FGD5: variants seen among roughly 807,000 people sequenced by gnomAD.
FGD5 encodes the protein FYVE, RhoGEF and PH domain-containing protein 5.
In FGD5, 28 loss-of-function variants were observed where a neutral mutation model predicts 133.4. The ratio of observed to expected loss-of-function variants is 0.21; its 90% confidence interval spans 0.16 to 0.29. The LOEUF is 0.29. FGD5 is among the 10% of genes least tolerant of loss of function. The pLI is 1.00. For synonymous variants in FGD5, 810 were observed against 776.5 expected (o/e 1.04, Z -0.72); for missense variants, 1,858 against 1,895.2 (o/e 0.98, Z 0.36).
At chr3:14,902,861 G>A (rs977634316) in intron 9 of FGD5, among the ~76,000 whole-genome samples, 3 of 152,148 alleles carry the variant, frequency 2.0e-5, no homozygotes, top group Admixed American at 6.5e-5. Context: ...TCCCTCCTAC[G>A]GGGAGCTTGC....
chr3:14,844,099 A>G (rs1426163001), intron 1 of FGD5, among the ~76,000 whole-genome samples: 1 of 149,452 alleles, frequency 6.7e-6, no homozygotes. Context: ...GAGGCTGACA[A>G]AAGCGAAGTG....
At chr3:14,821,756 TA>T in intron 1 of FGD5, 160 bp downstream of exon 1, 1 of 1,050,016 alleles carries the variant, frequency 9.5e-7, no homozygotes, top group Non-Finnish European at 1.3e-6. Flanking sequence ...GAGCCTCGGT[TA>T]CTTCATCCGT....
chr3:14,887,368 A>G (rs917292276), intron 4 of FGD5, among the ~76,000 whole-genome samples: 2 of 151,932 alleles, frequency 1.3e-5, no homozygotes, highest in African/African-American at 2.4e-5. Context: ...CAGCAGTCCT[A>G]TCCTTTCTTC....
chr3:14,845,288 C>T (rs1011935528), intron 1 of FGD5, among the ~76,000 whole-genome samples: 5 of 152,270 alleles, frequency 3.3e-5, no homozygotes, highest in Non-Finnish European at 7.3e-5. Context: ...ACTTGCTGGC[C>T]ACATCGACCC....
At chr3:14,867,060 A>G (rs547791137) in intron 2 of FGD5, among the ~76,000 whole-genome samples, 100 of 152,352 alleles carry the variant, frequency 6.6e-4, no homozygotes, top group Admixed American at 1.3e-3. Flanking sequence ...GGCTTGCATT[A>G]TATACCAGAA....
intron 1 of FGD5, among the ~76,000 whole-genome samples, chr3:14,849,115 C>G (rs141066211): frequency 1.3e-5 from 2 of 152,310 alleles, no homozygotes; most frequent in East Asian, 3.9e-4. Flanking sequence ...AAGTGTGAGG[C>G]CCTTCCGTTC....
chr3:14,823,998 C>T (rs1053772384), intron 1 of FGD5, among the ~76,000 whole-genome samples: 4 of 152,212 alleles, frequency 2.6e-5, no homozygotes, highest in African/African-American at 4.8e-5. Context: ...CATTAGCTCA[C>T]GTTTGATGCT....
intron 1 of FGD5, among the ~76,000 whole-genome samples, chr3:14,813,738 C>CAAG (rs1553621535): frequency 1.3e-5 from 2 of 151,800 alleles, no homozygotes; most frequent in African/African-American, 4.8e-5. Flanking sequence ...CCAGTTAAGG[C>CAAG]AGAGCCAGGT....
At chr3:14,909,551 T>A (rs960716223) in intron 10 of FGD5, among the ~76,000 whole-genome samples, 4 of 152,220 alleles carry the variant, frequency 2.6e-5, no homozygotes, top group Admixed American at 6.5e-5. Context: ...CGAAGTCTTT[T>A]GATGAGCTCA....
chr3:14,818,729 G>A (rs2036419761), upstream of FGD5, among the ~76,000 whole-genome samples: 1 of 152,198 alleles, frequency 6.6e-6, no homozygotes, highest in Admixed American at 6.5e-5. Context: ...GCTGCGTGTA[G>A]AAGAAAGGTC....
intron 2 of FGD5, 36 bp from the exon 3 acceptor site, chr3:14,880,536 G>T (rs764757595): frequency 1.2e-6 from 2 of 1,608,454 alleles, no homozygotes; most frequent in South Asian, 1.1e-5. Context: ...AACCACTGAT[G>T]CCTGTCCCAC....
chr3:14,887,522 G>A (rs2037947286), intron 4 of FGD5, among the ~76,000 whole-genome samples: 1 of 151,658 alleles, frequency 6.6e-6, no homozygotes, highest in East Asian at 1.9e-4. Flanking sequence ...TCCAGCCTGA[G>A]CAACATAGCA....
Position 14,819,634 on chromosome 3 carries a change from G to C in FGD5, c.563G>C (p.Gly188Ala). 6.4e-7 allele frequency: 1 copy of C among 1,550,864 alleles called. No individual in the cohort carries two copies. Among genetic ancestry groups the C allele is most frequent in the Non-Finnish European group, 8.7e-7 (1 of 1,146,708 alleles). The change falls in exon 1 of 20, where the codon GGG (glycine) becomes GCG (alanine). Residue 188 changes from glycine to alanine, a missense_variant. This residue lies in a region of FGD5 where 1,824 missense variants were observed against 1,848.9 expected (regional missense o/e 0.99). Transcript: ENST00000285046. The surrounding 1 kb of genome is among the most constrained non-coding windows in gnomAD (Gnocchi z 4.1). ...GACAGTGGGCCTTGGGCTGGAGAGG[G>C]GGTCTTCCAGAGCGACCTCCTCCTG... ...LEDSGPWAGE[G>A]VFQSDLLLPH... is the part of the protein sequence containing the mutation.
At chr3:14,904,562 C>T (rs549975754) in intron 9 of FGD5, among the ~76,000 whole-genome samples, 3 of 151,974 alleles carry the variant, frequency 2.0e-5, no homozygotes, top group Admixed American at 2.0e-4. Context: ...GTGCAAGGTG[C>T]TCCAGGATCA....
chr3:14,822,165 C>CAGTGTATA (rs1436036719), intron 1 of FGD5, among the ~76,000 whole-genome samples: 8 of 151,662 alleles, frequency 5.3e-5, no homozygotes, highest in Non-Finnish European at 8.8e-5. Context: ...TGTGTGAAAG[C>CAGTGTATA]AGTGTATAAG....
chr3:14,811,503 C>T (rs2036294586), intron 1 of FGD5: 1 of 152,580 alleles, frequency 6.6e-6, no homozygotes, highest in East Asian at 1.9e-4. Context: ...TCCATTGTGC[C>T]TCCCCTAGGG....
chr3:14,811,311 C>T (rs1011339669), intron 1 of FGD5: 2 of 152,306 alleles, frequency 1.3e-5, no homozygotes, highest in East Asian at 1.9e-4. Context: ...TCCCGGAGCT[C>T]TCTTCGACTC....
intron 4 of FGD5, among the ~76,000 whole-genome samples, chr3:14,889,831 G>A (rs2037991331): frequency 6.6e-6 from 1 of 151,980 alleles, no homozygotes; most frequent in Admixed American, 6.6e-5. Context: ...TTAGCCATTT[G>A]GGAACGCTTT....
At chr3:14,822,961 G>T (rs140091280) in intron 1 of FGD5, among the ~76,000 whole-genome samples, 89 of 152,298 alleles carry the variant, frequency 5.8e-4, no homozygotes, top group Non-Finnish European at 1.2e-3. Flanking sequence ...CGCCATCCTG[G>T]CTCCATCTTC....
Sources: gnomAD v4.1 joint callset for allele counts (sites outside exome capture counted in the v4.1 genomes callset) on GRCh38, gnomAD v4.1.1 for gene constraint, gnomAD v4.1.1 regional missense constraint, Gnocchi (gnomAD v3.1) non-coding constraint, MANE v1.5 for transcripts, NCBI Gene and HGNC (gene_info 2026-07-23, HGNC 2026-07-21) for gene names.